The following ATRNL1 variants were observed in gnomAD, a reference collection of about 807,000 sequenced individuals.
ATRNL1 encodes attractin-like protein 1.
Under a neutral mutation model 182.7 loss-of-function variants are expected in ATRNL1, and 95 were observed. That is an observed-to-expected ratio of 0.52 (90% CI 0.44 to 0.62). ATRNL1 has a LOEUF of 0.62. Among genes scored for constraint, ATRNL1 ranks in the 20% least tolerant of loss-of-function variants. The pLI, the probability that ATRNL1 is intolerant of heterozygous loss-of-function variation, is 0.00. For missense variants in ATRNL1, 1,471 were observed against 1,679.5 expected (o/e 0.88, Z 2.17); for synonymous variants, 576 against 568.3 (o/e 1.01, Z -0.19).
chr10:115,889,226 T>C (rs1022179587), intron 28 of ATRNL1, among the ~76,000 whole-genome samples: 40 of 152,190 alleles, frequency 2.6e-4, no homozygotes, highest in African/African-American at 8.9e-4. Context: ...AGCATCTCTC[T>C]CTTAGTCCAT....
intron 10 of ATRNL1, among the ~76,000 whole-genome samples, chr10:115,262,406 C>T (rs1419934354): frequency 6.6e-6 from 1 of 151,720 alleles, no homozygotes; most frequent in African/African-American, 2.4e-5. Context: ...TTGATGCTTA[C>T]CAGATATACA....
rs180818457 is a variant in ATRNL1 at position 115,461,898 on chromosome 10, T to C, written c.3323-43T>C. 3,104 of 1,440,368 alleles carry C rather than the reference T, an allele frequency of 2.2e-3. 121 individuals are homozygous for C. The Admixed American group carries it at 0.059, about 27-fold the overall frequency. 89.2% of individuals were successfully genotyped at this position (1,440,368 alleles called of 1,614,324 possible). A position where few individuals can be genotyped will look rare whatever the true frequency, so the allele number is the denominator to read the frequency against. On this transcript the variant is annotated intron_variant, in intron 21 of 28. Coordinates refer to ENST00000355044, the MANE Select transcript of ATRNL1 (RefSeq NM_207303.4). Reference sequence around the variant, plus strand: ...CCTAAATTTTGCTTTTTAGACAGTTTTTAAAGTACATATCAGGATTGTACT... The same window carrying C: ...CCTAAATTTTGCTTTTTAGACAGTTCTTAAAGTACATATCAGGATTGTACT...
intron 24 of ATRNL1, among the ~76,000 whole-genome samples, chr10:115,470,331 GAATT>G (rs1848246268): frequency 6.7e-6 from 1 of 150,302 alleles, no homozygotes; most frequent in Non-Finnish European, 1.5e-5. Flanking sequence ...TCACTTTTGA[GAATT>G]AATTTGAGAA....
chr10:115,452,264 A>G lies in ATRNL1; in HGVS notation c.3323-9677A>G, dbSNP rs1416592467. Among the ~76,000 whole-genome samples the G allele has an allele frequency of 2.0e-5, 3 of 152,162 alleles. No individual in the cohort carries two copies. The East Asian group carries it at 5.8e-4, about 29-fold the overall frequency. ...GAACCTAAAATTAAAGTTTTTTAAA[A>G]TCAATATTTATTGTGGAGGGGTTTT... On this transcript the variant is annotated intron_variant, in intron 21 of 28. Transcript: ENST00000355044.
chr10:115,223,971 C>T (rs1484152467), intron 9 of ATRNL1, among the ~76,000 whole-genome samples: 6 of 124,760 alleles, frequency 4.8e-5, no homozygotes, highest in Admixed American at 9.0e-5. Context: ...ACTCTCACTC[C>T]GTCACCCAGC....
Position 115,122,026 on chromosome 10 carries a change from T to C in ATRNL1, c.491+214T>C, listed in dbSNP as rs113351415. 4.6e-5 allele frequency among the ~76,000 whole-genome samples: 7 copies of C among 152,146 alleles called. No homozygotes were observed. In the East Asian group the frequency reaches 5.8e-4, roughly 13 times the overall value. On this transcript the variant is annotated intron_variant, in intron 3 of 28. Transcript: ENST00000355044. The stretch of plus-strand genomic sequence containing the variant: ...ATAAATAAGTACTATATTGGAAATA[T>C]AGATTTCTTTCTAAATATTTTTTAT...
intron 8 of ATRNL1, among the ~76,000 whole-genome samples, chr10:115,187,576 A>T (rs1184627840): frequency 6.6e-6 from 1 of 152,120 alleles, no homozygotes; most frequent in African/African-American, 2.4e-5. Context: ...CACAAAATTT[A>T]AATGTATAGA....
chr10:115,296,737 T>A (rs1406994591), intron 15 of ATRNL1, among the ~76,000 whole-genome samples: 3 of 152,194 alleles, frequency 2.0e-5, no homozygotes, highest in African/African-American at 7.2e-5. Context: ...ACTAATCATA[T>A]TTATATGAAC....
rs1844741892 is a variant in ATRNL1 at position 115,121,654 on chromosome 10, G to A, written c.378-45G>A. ...AATATTATGTATTTATTCACTCTGT[G>A]CTTTGTATATTTTAATTTGAAAAAT... is the stretch of plus-strand genomic sequence containing the variant. On this transcript the variant is annotated intron_variant, in intron 2 of 28. Coordinates refer to ENST00000355044, the MANE Select transcript of ATRNL1 (RefSeq NM_207303.4). 3.6e-6 allele frequency: 3 copies of A among 825,302 alleles called. No individual in the cohort carries two copies. In the East Asian group the frequency reaches 8.0e-5, roughly 22 times the overall value. The allele number at this position is 825,302 out of a possible 1,614,324, so 51.1% of individuals were successfully genotyped here.
intron 26 of ATRNL1, among the ~76,000 whole-genome samples, chr10:115,622,956 C>G (rs946985744): frequency 1.3e-5 from 2 of 151,904 alleles, no homozygotes; most frequent in African/African-American, 2.4e-5. Context: ...AAACAGAAAG[C>G]AAAGATAGAA....
At chr10:115,899,694 G>C (rs1397762807) in intron 28 of ATRNL1, among the ~76,000 whole-genome samples, 1 of 152,172 alleles carries the variant, frequency 6.6e-6, no homozygotes, top group Non-Finnish European at 1.5e-5. Context: ...TGTTAGATAT[G>C]CAGAATTGGT....
At chr10:115,493,837 C>G (rs1363212834) in intron 24 of ATRNL1, among the ~76,000 whole-genome samples, 1 of 152,064 alleles carries the variant, frequency 6.6e-6, no homozygotes, top group Non-Finnish European at 1.5e-5. Context: ...ATTATTGTAG[C>G]TTTGATTTGC....
chr10:115,346,630 T>A (rs571266147), intron 19 of ATRNL1, among the ~76,000 whole-genome samples: 180 of 152,312 alleles, frequency 1.2e-3, no homozygotes, highest in Middle Eastern at 0.01. Context: ...AGCTTACAAA[T>A]ATCTTTGTGA....
chr10:115,429,230 T>G (rs1201339082), intron 21 of ATRNL1, among the ~76,000 whole-genome samples: 1 of 152,136 alleles, frequency 6.6e-6, no homozygotes, highest in African/African-American at 2.4e-5. Flanking sequence ...GTTTGATATA[T>G]AAAAATAAAA....
At chr10:115,607,901 C>A (rs917374845) in intron 26 of ATRNL1, among the ~76,000 whole-genome samples, 7 of 151,910 alleles carry the variant, frequency 4.6e-5, no homozygotes, top group African/African-American at 1.7e-4. Flanking sequence ...TCACCATCTT[C>A]TTCCACTGGA....
intron 21 of ATRNL1, among the ~76,000 whole-genome samples, chr10:115,453,898 GTAAC>G (rs1163652205): frequency 1.3e-5 from 2 of 151,642 alleles, no homozygotes; most frequent in Non-Finnish European, 2.9e-5. Context: ...GTATACATAT[GTAAC>G]TAACCTGCAC....
rs151151272 is a variant in ATRNL1 at position 115,690,988 on chromosome 10, A to T, written c.3796-36260A>T. Among the ~76,000 whole-genome samples the T allele has an allele frequency of 8.7e-4, 132 of 152,228 alleles. 1 individual carries two copies. In the East Asian group the frequency reaches 0.024, roughly 27 times the overall value. On this transcript the variant is annotated intron_variant, in intron 26 of 28. Coordinates refer to ENST00000355044, the MANE Select transcript of ATRNL1 (RefSeq NM_207303.4). ...GGGGCTCCCAAGCCAACCTTCTCTG[A>T]GCTGGCTGCTGGGTACCTTTTCCTT...
intron 28 of ATRNL1, among the ~76,000 whole-genome samples, chr10:115,930,352 C>T (rs186712591): frequency 5.9e-5 from 9 of 152,060 alleles, no homozygotes; most frequent in African/African-American, 1.7e-4. Flanking sequence ...CTCTTCAGGT[C>T]GGATCATAAG....
At position 115,093,727 on chromosome 10, in the gene ATRNL1, C is replaced by T. The variant is rs565776554; in HGVS notation, c.-24C>T. The T allele has an allele frequency of 7.6e-5, 107 of 1,414,902 alleles. No individual in the cohort carries two copies. The African/African-American group carries it at 1.5e-3, about 19-fold the overall frequency. The allele number at this position is 1,414,902 out of a possible 1,614,324, so 87.6% of individuals were successfully genotyped here. On this transcript the variant is annotated 5_prime_UTR_variant, in exon 1 of 29. Transcript: ENST00000355044. The surrounding 1 kb of genome is among the most constrained non-coding windows in gnomAD (Gnocchi z 6.1). ...CTGTCGGCGCCCGCGAGCGCAGTCT[C>T]GCCGGGCAGGGGCGCCGGGGAAGAT... is the stretch of plus-strand genomic sequence containing the variant.
Sources: gnomAD v4.1 joint callset for allele counts (sites outside exome capture counted in the v4.1 genomes callset) on GRCh38, gnomAD v4.1.1 for gene constraint, Gnocchi (gnomAD v3.1) non-coding constraint, MANE v1.5 for transcripts, NCBI Gene and HGNC (gene_info 2026-07-23, HGNC 2026-07-21) for gene names.